Variants in LRRC8D observed in about 807,000 individuals in gnomAD.
LRRC8D encodes the protein leucine rich repeat containing 8 VRAC subunit D, also known as volume-regulated anion channel subunit LRRC8D.
LRRC8D carries 20 observed loss-of-function variants against 55.8 expected under a neutral mutation model. That is an observed-to-expected ratio of 0.36 (90% CI 0.25 to 0.52). The LOEUF is 0.52. Ranked by LOEUF, LRRC8D falls within the 20% of genes least tolerant of loss-of-function variation. The pLI is 0.93. For synonymous variants in LRRC8D, 352 were observed against 377.0 expected, an observed-to-expected ratio of 0.93 and a Z score of 0.77; for missense variants, 651 against 1,030.8, an observed-to-expected ratio of 0.63 and a Z score of 5.05.
chr1:89,911,785 G>T lies in LRRC8D; in HGVS notation c.-2-21282G>T, dbSNP rs927011305. Among the ~76,000 whole-genome samples the T allele has an allele frequency of 3.3e-5, 5 of 152,122 alleles. No homozygotes were observed. Among genetic ancestry groups the T allele is most frequent in the Non-Finnish European group, 7.4e-5 (5 of 68,026 alleles). On this transcript the variant is annotated intron_variant, in intron 2 of 2. Transcript: ENST00000337338. This position sits in a 1 kb window ranked among gnomAD's most constrained non-coding sequence, Gnocchi z 4.0. Reference sequence around the variant, plus strand: ...CCAGCGGTCACTTTTGCCCCTTAACGTGCGTGACTTGCTTTTGACACCTGC... The same window carrying T: ...CCAGCGGTCACTTTTGCCCCTTAACTTGCGTGACTTGCTTTTGACACCTGC...
chr1:89,931,035 C>G (rs1570899513), intron 2 of LRRC8D, among the ~76,000 whole-genome samples: 2 of 116,098 alleles, frequency 1.7e-5, no homozygotes, highest in Non-Finnish European at 3.3e-5. Flanking sequence ...TTTACAAAGA[C>G]TGGTTACCAG....
At chr1:89,917,652 C>G (rs1387312520) in intron 2 of LRRC8D, among the ~76,000 whole-genome samples, 1 of 152,166 alleles carries the variant, frequency 6.6e-6, no homozygotes, top group Non-Finnish European at 1.5e-5. Flanking sequence ...CCTCCCTGAT[C>G]TTGCCAGCTG....
At chr1:89,904,581 G>A (rs1662944922) in intron 2 of LRRC8D, among the ~76,000 whole-genome samples, 1 of 152,174 alleles carries the variant, frequency 6.6e-6, no homozygotes, top group Non-Finnish European at 1.5e-5. Context: ...TTTGGTTCTT[G>A]CTGACATGCT....
chr1:89,877,115 T>C lies in LRRC8D; in HGVS notation c.-3+33333T>C, dbSNP rs546659269. On this transcript the variant is annotated intron_variant, in intron 2 of 2. Transcript: ENST00000337338. The stretch of plus-strand genomic sequence containing the variant: ...TTTCAGATTGGGATTGGCTGTAAAA[T>C]GTCAAATATGACAAGGGTCTGCTTT... Among the ~76,000 whole-genome samples the C allele has an allele frequency of 3.9e-5, 6 of 152,352 alleles. No homozygotes were observed. In the South Asian group the frequency reaches 1.2e-3, roughly 32 times the overall value.
chr1:89,929,608 AC>A (rs1663649313), intron 2 of LRRC8D, among the ~76,000 whole-genome samples: 1 of 152,366 alleles, frequency 6.6e-6, no homozygotes, highest in East Asian at 1.9e-4. Context: ...AGAACCAGAT[AC>A]AATTACAGTC....
At chr1:89,895,350 A>C (rs1662680532) in intron 2 of LRRC8D, among the ~76,000 whole-genome samples, 1 of 152,204 alleles carries the variant, frequency 6.6e-6, no homozygotes, top group African/African-American at 2.4e-5. Context: ...TGTTTTCTTC[A>C]AGCTATCATA....
intron 2 of LRRC8D, among the ~76,000 whole-genome samples, chr1:89,909,023 CGT>C (rs149782857): frequency 6.6e-6 from 1 of 151,510 alleles, no homozygotes; most frequent in East Asian, 1.9e-4. Flanking sequence ...GGTGTGTTTG[CGT>C]GTGTGTGTGT....
In LRRC8D at chr1:89,936,377, T is replaced by C. The variant is rs1328586697; in HGVS notation, c.*732T>C. ...ATGGTACATTTTTCTACCAGTAATA[T>C]AGGGTTGCCAATAAATAGAAAATGT... On this transcript the variant is annotated 3_prime_UTR_variant, in exon 3 of 3. Coordinates refer to ENST00000337338, the MANE Select transcript of LRRC8D (RefSeq NM_001134479.2). 3 of 166,806 alleles carry C rather than the reference T, an allele frequency of 1.8e-5. No homozygotes were observed. The highest frequency in any genetic ancestry group is 1.9e-4 in the East Asian group (1 of 5,210). 10.3% of individuals were successfully genotyped at this position (166,806 alleles called of 1,614,324 possible).
At chr1:89,873,657 A>G (rs920522247) in intron 2 of LRRC8D, among the ~76,000 whole-genome samples, 2 of 152,234 alleles carry the variant, frequency 1.3e-5, no homozygotes, top group Non-Finnish European at 2.9e-5. Context: ...TGTAGGATTG[A>G]AAACTATCAT....
intron 2 of LRRC8D, among the ~76,000 whole-genome samples, chr1:89,889,377 A>T (rs1049502490): frequency 6.6e-6 from 1 of 152,172 alleles, no homozygotes; most frequent in Non-Finnish European, 1.5e-5. Context: ...GGTATCCTGG[A>T]TGGGATCCTG....
At chr1:89,830,668 G>A (rs760789379) in intron 1 of LRRC8D, among the ~76,000 whole-genome samples, 8 of 152,186 alleles carry the variant, frequency 5.3e-5, no homozygotes, top group Non-Finnish European at 7.3e-5. Flanking sequence ...CATTGTTGCC[G>A]CGTGGGAATG....
chr1:89,896,404 G>T (rs539214624), intron 2 of LRRC8D, among the ~76,000 whole-genome samples: 1 of 152,192 alleles, frequency 6.6e-6, no homozygotes, highest in East Asian at 1.9e-4. Context: ...TCGTGGTCAC[G>T]TAGCTAGTGG....
intron 1 of LRRC8D, among the ~76,000 whole-genome samples, chr1:89,835,574 T>A (rs1660985521): frequency 6.6e-6 from 1 of 152,212 alleles, no homozygotes. Flanking sequence ...GGGATTTTAT[T>A]GTGGGCTGTA....
chr1:89,906,663 C>G (rs988376012), intron 2 of LRRC8D, among the ~76,000 whole-genome samples: 5 of 152,154 alleles, frequency 3.3e-5, no homozygotes, highest in African/African-American at 4.8e-5. Flanking sequence ...TTGGAAAAAC[C>G]TGCCTGTGTG....
In LRRC8D at chr1:89,827,224, C is replaced by T. The variant is rs186352322; in HGVS notation, c.-148+5933C>T. Among the ~76,000 whole-genome samples, 702 of 151,996 alleles carry T rather than the reference C, an allele frequency of 4.6e-3. 3 individuals carry two copies. Among genetic ancestry groups the T allele is most frequent in the Admixed American group, 0.014 (207 of 15,250 alleles). Reference sequence around the variant, plus strand: ...AAATTAGCCAGATGTGGTGGTGGTGCCTGTAATCCCAGCTACTCGGGAAGT... The same window carrying T: ...AAATTAGCCAGATGTGGTGGTGGTGTCTGTAATCCCAGCTACTCGGGAAGT... On this transcript the variant is annotated intron_variant, in intron 1 of 2. Transcript: ENST00000337338.
chr1:89,869,449 T>C (rs986763393), intron 2 of LRRC8D, among the ~76,000 whole-genome samples: 1 of 152,098 alleles, frequency 6.6e-6, no homozygotes, highest in Non-Finnish European at 1.5e-5. Flanking sequence ...CCAAGAAATA[T>C]GGGACTATGT....
intron 2 of LRRC8D, chr1:89,929,827 T>A (rs947685584): frequency 2.6e-5 from 4 of 152,340 alleles, no homozygotes; most frequent in African/African-American, 7.2e-5. Flanking sequence ...GGCCCCAGGC[T>A]GCAGACTGGT....
intron 1 of LRRC8D, among the ~76,000 whole-genome samples, chr1:89,832,941 T>G (rs1660921677): frequency 6.6e-6 from 1 of 152,202 alleles, no homozygotes; most frequent in African/African-American, 2.4e-5. Context: ...CCCCATTTTG[T>G]AGCAGAGGAA....
chr1:89,901,615 G>A (rs1214069868), intron 2 of LRRC8D, among the ~76,000 whole-genome samples: 1 of 152,070 alleles, frequency 6.6e-6, no homozygotes, highest in Non-Finnish European at 1.5e-5. Context: ...GGAATCCTTT[G>A]GTGCCCAAGC....
Sources: allele counts gnomAD v4.1 joint callset (sites outside exome capture counted in the v4.1 genomes callset), GRCh38; gene constraint gnomAD v4.1.1; non-coding constraint Gnocchi (gnomAD v3.1); transcripts MANE v1.5; gene names NCBI Gene and HGNC (gene_info 2026-07-23, HGNC 2026-07-21).